APAF1: variants seen among roughly 807,000 people sequenced by gnomAD.
The protein encoded by APAF1 is apoptotic protease-activating factor 1.
Under a neutral mutation model 152.4 loss-of-function variants are expected in APAF1, and 91 were observed. The ratio of observed to expected loss-of-function variants is 0.60; its 90% CI spans 0.50 to 0.71. The LOEUF (loss-of-function observed/expected upper bound fraction) is 0.71. APAF1 is among the 30% of genes least tolerant of loss of function. The pLI is 0.00. For synonymous variants in APAF1, 484 were observed against 494.1 expected, an observed-to-expected ratio of 0.98 and a Z score of 0.27; for missense variants, 1,283 against 1,472.0, an observed-to-expected ratio of 0.87 and a Z score of 2.10.
chr12:98,680,994 G>A (rs7313090), intron 14 of APAF1, among the ~76,000 whole-genome samples: 136,761 of 152,298 alleles, frequency 0.9, 61,498 homozygotes, highest in African/African-American at 0.94. Flanking sequence ...GGAAAACCAG[G>A]TGGATGAACA....
intron 22 of APAF1, 69 bp downstream of exon 22, chr12:98,715,621 T>TA: frequency 6.4e-7 from 1 of 1,554,208 alleles, no homozygotes; most frequent in Non-Finnish European, 8.9e-7. Context: ...TGATTATGCC[T>TA]AAAATCTGGT....
rs2153346444 is a variant in APAF1, at chr12:98,733,380, C to T, written c.*814C>T. On this transcript the variant is annotated 3_prime_UTR_variant, in exon 27 of 27. Transcript: ENST00000551964. Reference sequence around the variant, plus strand: ...TCTCTTGACCTCATGATCTACCCGCCTTGGCCTCCCAAAGTGCTGAGATTA... The same window carrying T: ...TCTCTTGACCTCATGATCTACCCGCTTTGGCCTCCCAAAGTGCTGAGATTA... The T allele has an allele frequency of 6.5e-6, 1 of 153,102 alleles. No homozygotes were observed. Among genetic ancestry groups the T allele is most frequent in the South Asian group, 2.1e-4 (1 of 4,846 alleles). 9.5% of individuals were successfully genotyped at this position (153,102 alleles called of 1,614,324 possible). A position where few individuals can be genotyped will look rare whatever the true frequency, so the allele number is the denominator to read the frequency against.
At position 98,735,375 on chromosome 12, in the gene APAF1, A is replaced by G. The variant is rs1430713455; in HGVS notation, c.*2809A>G. On this transcript the variant is annotated 3_prime_UTR_variant, in exon 27 of 27. Transcript: ENST00000551964. ...TTTTTTTGCCTTGGTATACATTTTA[A>G]AATATGAATTTAAAAAATTTTTGTA... 1 of 431,010 alleles carries G rather than the reference A, an allele frequency of 2.3e-6. No individual in the cohort carries two copies. Among genetic ancestry groups the G allele is most frequent in the Non-Finnish European group, 4.1e-6 (1 of 242,442 alleles). The allele number at this position is 431,010 out of a possible 1,614,324, so 26.7% of individuals were successfully genotyped here.
At position 98,733,842 on chromosome 12, in the gene APAF1, C is replaced by G. The variant is rs920346642; in HGVS notation, c.*1276C>G. 2.0e-5 allele frequency: 3 copies of G among 152,220 alleles called. No individual in the cohort carries two copies. Among genetic ancestry groups the G allele is most frequent in the African/African-American group, 7.2e-5 (3 of 41,448 alleles). The allele number at this position is 152,220 out of a possible 1,614,324, so 9.4% of individuals were successfully genotyped here. A position where few individuals can be genotyped will look rare whatever the true frequency, so the allele number is the denominator to read the frequency against. The stretch of plus-strand genomic sequence containing the variant: ...GGCAGCCCTGTGCCATATCTGGACT[C>G]TAGTTGTCAGTATCTGAGTTGGACA... On this transcript the variant is annotated 3_prime_UTR_variant, in exon 27 of 27. Coordinates refer to ENST00000551964, the MANE Select transcript of APAF1 (RefSeq NM_181861.2).
chr12:98,648,557 A>G (rs781059713), intron 2 of APAF1, 60 bp downstream of exon 2: 1 of 1,607,920 alleles, frequency 6.2e-7, no homozygotes, highest in Non-Finnish European at 8.5e-7. Flanking sequence ...CAGAACTTGT[A>G]CTGGTCTCCA....
intron 1 of APAF1, 137 bp from the exon 2 acceptor site, chr12:98,648,182 G>A (rs1236097793): frequency 6.9e-6 from 5 of 729,732 alleles, no homozygotes; most frequent in Non-Finnish European, 1.2e-5. Context: ...CCAAGCACTG[G>A]GTTTTGTCCA....
chr12:98,712,512 C>CTA, intron 21 of APAF1, 77 bp downstream of exon 21: 3 of 877,930 alleles, frequency 3.4e-6, no homozygotes, highest in Non-Finnish European at 5.7e-6. Flanking sequence ...TTGTGCACTT[C>CTA]TATTTTTATT....
At chr12:98,666,112 TG>T in intron 8 of APAF1, 77 bp from the exon 9 acceptor site, 1 of 1,355,460 alleles carries the variant, frequency 7.4e-7, no homozygotes, top group Non-Finnish European at 1.1e-6. Flanking sequence ...ACCGTTTTTT[TG>T]TGTGTGTGAT....
intron 4 of APAF1, among the ~76,000 whole-genome samples, chr12:98,650,728 A>G (rs941870049): frequency 2.6e-5 from 4 of 151,962 alleles, no homozygotes; most frequent in East Asian, 1.9e-4. Flanking sequence ...TTTCCCCTCT[A>G]TCATTACAGA....
Position 98,666,268 on chromosome 12 carries a change from T to C in APAF1, c.1273T>C (p.Phe425Leu). 1 of 1,613,962 alleles carries C rather than the reference T, an allele frequency of 6.2e-7. No homozygotes were observed. The highest frequency in any genetic ancestry group is 1.1e-5 in the South Asian group (1 of 91,058). ...GGAGTTTGTAAATAAGTCTCTTTTA[T>C]TCTGTGATCGGAATGGAAAGTCGTT... is the stretch of plus-strand genomic sequence containing the variant. Reference protein sequence around the residue: ...LQEFVNKSLLFCDRNGKSFRY... With the variant: ...LQEFVNKSLLLCDRNGKSFRY... The change falls in exon 9 of 27, where the codon TTC (phenylalanine) becomes CTC (leucine). Residue 425 changes from phenylalanine (F) to leucine (L), a missense_variant. Coordinates refer to ENST00000551964, the MANE Select transcript of APAF1 (RefSeq NM_181861.2).
In APAF1 at chr12:98,733,956, A is replaced by T. The variant is rs939286488; in HGVS notation, c.*1390A>T. 6.6e-6 allele frequency: 1 copy of T among 152,140 alleles called. No homozygotes were observed. Among genetic ancestry groups the T allele is most frequent in the African/African-American group, 2.4e-5 (1 of 41,438 alleles). 9.4% of individuals were successfully genotyped at this position (152,140 alleles called of 1,614,324 possible). A position where few individuals can be genotyped will look rare whatever the true frequency, so the allele number is the denominator to read the frequency against. On this transcript the variant is annotated 3_prime_UTR_variant, in exon 27 of 27. Coordinates refer to ENST00000551964, the MANE Select transcript of APAF1 (RefSeq NM_181861.2). Reference sequence around the variant, plus strand: ...CCTAATCCTCACTTTTTTCTTTTTTAAAAAGCAGTTTCTCCACTGCTAAAT... The same window carrying T: ...CCTAATCCTCACTTTTTTCTTTTTTTAAAAGCAGTTTCTCCACTGCTAAAT...
chr12:98,683,620 T>A (rs2097694813), intron 15 of APAF1, among the ~76,000 whole-genome samples: 1 of 152,210 alleles, frequency 6.6e-6, no homozygotes, highest in Non-Finnish European at 1.5e-5. Context: ...CAGCTCACAA[T>A]CACAGAGTAA....
intron 7 of APAF1, among the ~76,000 whole-genome samples, chr12:98,665,286 T>A (rs1300571221): frequency 1.1e-4 from 13 of 116,632 alleles, no homozygotes; most frequent in South Asian, 2.5e-4. Flanking sequence ...ATATTTTTTT[T>A]TTTTTTTGTA....
chr12:98,684,280 G>GA (rs1044345108), intron 15 of APAF1, among the ~76,000 whole-genome samples: 5 of 151,954 alleles, frequency 3.3e-5, no homozygotes, highest in African/African-American at 1.2e-4. Flanking sequence ...TTTTTCAGAA[G>GA]AAAAAATTAT....
rs748600489 is a variant in APAF1, at chr12:98,665,718, T to C, written c.1121T>C (p.Met374Thr). Residue 374 changes from methionine to threonine, a missense_variant, in exon 8 of 27, where the codon ATG becomes ACG. Met to Thr is a moderately conservative substitution (Grantham distance 81). Transcript: ENST00000551964. Reference sequence around the variant, plus strand: ...GAAGCCATGTCTATAAGTGTTGAAATGCTCAGAGAAGACATCAAAGATTAT... The same window carrying C: ...GAAGCCATGTCTATAAGTGTTGAAACGCTCAGAGAAGACATCAAAGATTAT... ...LDEAMSISVEMLREDIKDYYT... is the reference protein window; with the variant it reads ...LDEAMSISVETLREDIKDYYT... 3 of 1,614,146 alleles carry C rather than the reference T, an allele frequency of 1.9e-6. No homozygotes were observed. Among genetic ancestry groups the C allele is most frequent in the Non-Finnish European group, 2.5e-6 (3 of 1,180,004 alleles).
chr12:98,706,728 T>A (rs2097721792), intron 19 of APAF1, 118 bp downstream of exon 19: 1 of 1,161,774 alleles, frequency 8.6e-7, no homozygotes, highest in African/African-American at 1.5e-5. Flanking sequence ...AGTACTATAT[T>A]CCTATTCACC....
Position 98,657,496 on chromosome 12 carries a change from C to G in APAF1, c.527-1664C>G, listed in dbSNP as rs143434708. On this transcript the variant is annotated intron_variant, in intron 4 of 26. Transcript: ENST00000551964. ...TCCTTTCCTTGACCTTGTGCAGGTT[C>G]AAAGACTCCATGTCACTTCAAGTTA... 1.8e-3 allele frequency among the ~76,000 whole-genome samples: 271 copies of G among 152,300 alleles called. 1 individual carries two copies. The highest frequency in any genetic ancestry group is 6.1e-3 in the African/African-American group (255 of 41,568).
intron 7 of APAF1, among the ~76,000 whole-genome samples, chr12:98,663,754 G>C (rs1161499292): frequency 6.6e-6 from 1 of 151,058 alleles, no homozygotes; most frequent in African/African-American, 2.4e-5. Flanking sequence ...TGCCTCCCAG[G>C]TTCAAGCAGT....
At chr12:98,647,690 T>G (rs1352639814) in intron 1 of APAF1, among the ~76,000 whole-genome samples, 1 of 148,842 alleles carries the variant, frequency 6.7e-6, no homozygotes, top group African/African-American at 2.5e-5. Flanking sequence ...GTGTTGTATG[T>G]GGGATCATGT....
Sources: gnomAD v4.1 joint callset for allele counts (sites outside exome capture counted in the v4.1 genomes callset) on GRCh38, gnomAD v4.1.1 for gene constraint, MANE v1.5 for transcripts, NCBI Gene and HGNC (gene_info 2026-07-23, HGNC 2026-07-21) for gene names.